DNER: variants seen among roughly 807,000 people sequenced by gnomAD.
DNER encodes the protein delta and Notch-like epidermal growth factor-related receptor.
In DNER, 33 loss-of-function variants were observed where a neutral mutation model predicts 78.2. The ratio of observed to expected loss-of-function variants is 0.42; its 90% CI spans 0.32 to 0.56. DNER has a LOEUF of 0.56. Ranked by LOEUF, DNER falls within the 20% of genes least tolerant of loss-of-function variation. The pLI is 0.11. For synonymous variants in DNER, 417 were observed against 384.8 expected (o/e 1.08, Z -0.98); for missense variants, 918 against 975.3 (o/e 0.94, Z 0.78).
chr2:229,708,514 G>A (rs1056088601), intron 1 of DNER, among the ~76,000 whole-genome samples: 2 of 152,182 alleles, frequency 1.3e-5, no homozygotes, highest in Admixed American at 1.3e-4. Flanking sequence ...TCTGTTTGGT[G>A]GGGGCAGGAT....
chr2:229,414,602 A>G (rs1693602416), intron 9 of DNER, among the ~76,000 whole-genome samples: 1 of 152,108 alleles, frequency 6.6e-6, no homozygotes. Context: ...AGTCTTTCCT[A>G]TCCTCACCCC....
At chr2:229,534,938 C>A (rs755125276) in intron 5 of DNER, among the ~76,000 whole-genome samples, 3 of 152,068 alleles carry the variant, frequency 2.0e-5, no homozygotes, top group Non-Finnish European at 4.4e-5. Context: ...TGTGTTCAAG[C>A]AATTCTCCTG....
intron 4 of DNER, among the ~76,000 whole-genome samples, chr2:229,569,231 C>T (rs563172137): frequency 6.6e-6 from 1 of 152,300 alleles, no homozygotes; most frequent in East Asian, 1.9e-4. Flanking sequence ...ATGTTCTAGT[C>T]CCTTACATAG....
Position 229,499,931 on chromosome 2 carries a change from C to CTTTCTTT in DNER, c.1147+12851_1147+12852insAAAGAAA, listed in dbSNP as rs1286404166. 4.3e-4 allele frequency among the ~76,000 whole-genome samples: 58 copies of CTTTCTTT among 134,838 alleles called. 2 individuals carry two copies. Among genetic ancestry groups the CTTTCTTT allele is most frequent in the East Asian group, 3.9e-3 (19 of 4,876 alleles). The allele number at this position is 134,838 out of a possible 152,430, so 88.5% of individuals were successfully genotyped here. ...CAAAAAATCTGAATAGACTTTCTTT[C>CTTTCTTT]TTTTTTTTTTTTTTTCTCTTCAAGA... is the stretch of plus-strand genomic sequence containing the variant. On this transcript the variant is annotated intron_variant, in intron 6 of 12. Transcript: ENST00000341772.
In DNER at chr2:229,387,509, G is replaced by GAAAGAAAGAAAGAGAGAAAGAA; in HGVS notation, c.1855+755_1855+756insTTCTTTCTCTCTTTCTTTCTTT. Among the ~76,000 whole-genome samples the GAAAGAAAGAAAGAGAGAAAGAA allele has an allele frequency of 2.6e-5, 2 of 76,128 alleles. 1 individual carries two copies. Among genetic ancestry groups the GAAAGAAAGAAAGAGAGAAAGAA allele is most frequent in the Non-Finnish European group, 5.4e-5 (2 of 36,774 alleles). 49.9% of individuals were successfully genotyped at this position (76,128 alleles called of 152,430 possible). A position where few individuals can be genotyped will look rare whatever the true frequency, so the allele number is the denominator to read the frequency against. On this transcript the variant is annotated intron_variant, in intron 11 of 12. Transcript: ENST00000341772. ...AAAGAAAGAAAGAAAGAAAGAAAGA[G>GAAAGAAAGAAAGAGAGAAAGAA]AGAAAGAAAGAAAGAAAGAAAGAAA...
chr2:229,399,547 T>G (rs1240842462), intron 10 of DNER, among the ~76,000 whole-genome samples: 1 of 152,082 alleles, frequency 6.6e-6, no homozygotes, highest in Non-Finnish European at 1.5e-5. Flanking sequence ...GTAAAATTTA[T>G]ATGAAAAGGC....
chr2:229,500,613 T>C (rs75637298), intron 6 of DNER, among the ~76,000 whole-genome samples: 2 of 152,202 alleles, frequency 1.3e-5, no homozygotes, highest in African/African-American at 4.8e-5. Context: ...TTACGAATAG[T>C]CAAGATATGG....
At chr2:229,683,280 G>A (rs80352746) in intron 1 of DNER, among the ~76,000 whole-genome samples, 3 of 152,180 alleles carry the variant, frequency 2.0e-5, no homozygotes, top group East Asian at 1.9e-4. Flanking sequence ...GTAATTTGTC[G>A]AAGATCATGA....
intron 8 of DNER, among the ~76,000 whole-genome samples, chr2:229,421,659 A>AGG (rs60991446): frequency 0.12 from 17,361 of 144,466 alleles, 1,263 homozygotes; most frequent in African/African-American, 0.21. Context: ...AGAGAGAGAG[A>AGG]GAGAAAGTGG....
At chr2:229,687,674 C>A (rs996935876) in intron 1 of DNER, among the ~76,000 whole-genome samples, 2 of 152,096 alleles carry the variant, frequency 1.3e-5, no homozygotes, top group African/African-American at 4.8e-5. Context: ...GAAAAATGAA[C>A]AAATTTCCAT....
At chr2:229,643,544 C>T (rs954232053) in intron 1 of DNER, among the ~76,000 whole-genome samples, 3 of 152,202 alleles carry the variant, frequency 2.0e-5, no homozygotes, top group African/African-American at 7.2e-5. Flanking sequence ...TCCATCCCAG[C>T]TCTGCAACTT....
intron 10 of DNER, among the ~76,000 whole-genome samples, chr2:229,391,911 T>C (rs1189131478): frequency 6.6e-6 from 1 of 152,216 alleles, no homozygotes; most frequent in Non-Finnish European, 1.5e-5. Flanking sequence ...CATTTGGTAG[T>C]ACTTATGTAG....
intron 11 of DNER, among the ~76,000 whole-genome samples, chr2:229,371,690 A>G (rs1266128461): frequency 6.6e-6 from 1 of 152,226 alleles, no homozygotes; most frequent in East Asian, 1.9e-4. Context: ...CCACTCTGCC[A>G]AAAAGAGACT....
chr2:229,655,272 T>A (rs927348563), intron 1 of DNER, among the ~76,000 whole-genome samples: 2 of 151,770 alleles, frequency 1.3e-5, no homozygotes, highest in Non-Finnish European at 2.9e-5. Flanking sequence ...AAAATAATTT[T>A]TAAGTTAAAA....
chr2:229,634,155 C>T (rs564640504), intron 1 of DNER, among the ~76,000 whole-genome samples: 3 of 152,272 alleles, frequency 2.0e-5, no homozygotes, highest in African/African-American at 7.2e-5. Context: ...TAAATGTAGA[C>T]CATGGTTGTA....
At chr2:229,586,856 C>T (rs1237836754) in intron 3 of DNER, 4 of 985,456 alleles carry the variant, frequency 4.1e-6, no homozygotes, top group Non-Finnish European at 3.6e-6. Flanking sequence ...TCCGCTCCCC[C>T]AGCACAGGGC....
chr2:229,447,471 G>A lies in DNER; in HGVS notation c.1331C>T (p.Thr444Ile), dbSNP rs754198773. ...CASSPCQNNG[T>I]CYVDGVHFTC... The stretch of plus-strand genomic sequence containing the variant: ...AAAGTGTACCCCGTCCACATAGCAG[G>A]TGCCGTTGTTCTGGCACGGAGACGA... Residue 444 changes from threonine (T) to isoleucine (I), a missense_variant, in exon 8 of 13, where the codon ACC becomes ATC. By Grantham distance (89) the Thr-to-Ile change is moderately conservative. Coordinates refer to ENST00000341772, the MANE Select transcript of DNER (RefSeq NM_139072.4). The A allele has an allele frequency of 1.9e-6, 3 of 1,614,142 alleles. No homozygotes were observed. The highest frequency in any genetic ancestry group is 2.5e-6 in the Non-Finnish European group (3 of 1,180,030).
intron 1 of DNER, among the ~76,000 whole-genome samples, chr2:229,610,732 G>A (rs1698031180): frequency 6.6e-6 from 1 of 152,018 alleles, no homozygotes. Context: ...TGGGTTCCAG[G>A]CTGCAGTCCT....
chr2:229,463,661 A>G (rs943110032), intron 7 of DNER, among the ~76,000 whole-genome samples: 1 of 152,068 alleles, frequency 6.6e-6, no homozygotes, highest in Non-Finnish European at 1.5e-5. Context: ...GCTTGTCTTG[A>G]ACTCCTGCCC....
Sources: gnomAD v4.1 joint callset for allele counts (sites outside exome capture counted in the v4.1 genomes callset) on GRCh38, gnomAD v4.1.1 for gene constraint, MANE v1.5 for transcripts, NCBI Gene and HGNC (gene_info 2026-07-23, HGNC 2026-07-21) for gene names.